The following TTL variants were observed in gnomAD, a reference collection of about 807,000 sequenced individuals.
The protein encoded by TTL is tubulin--tyrosine ligase.
In TTL, 10 loss-of-function variants were observed where a neutral mutation model predicts 41.1. That is an observed-to-expected ratio of 0.24 (90% CI 0.15 to 0.41). The LOEUF (loss-of-function observed/expected upper bound fraction) is 0.41. TTL is among the 10% of genes least tolerant of loss of function. The pLI, the probability that TTL is intolerant of heterozygous loss-of-function variation, is 1.00. For missense variants in TTL, 367 were observed against 460.4 expected (o/e 0.80, Z 1.86); for synonymous variants, 175 against 175.5 (o/e 1.00, Z 0.02).
intron 3 of TTL, among the ~76,000 whole-genome samples, chr2:112,498,609 A>G (rs1476189375): frequency 6.6e-6 from 1 of 151,986 alleles, no homozygotes; most frequent in Admixed American, 6.5e-5. Flanking sequence ...TTCTTTTAAA[A>G]TTTACATGGA....
chr2:112,494,813 A>G (rs1681482719), intron 3 of TTL, among the ~76,000 whole-genome samples: 1 of 152,152 alleles, frequency 6.6e-6, no homozygotes, highest in South Asian at 2.1e-4. Flanking sequence ...TCTACCTTCA[A>G]AATATATTCT....
chr2:112,524,172 AT>A (rs1327479068), intron 6 of TTL, among the ~76,000 whole-genome samples: 1 of 152,024 alleles, frequency 6.6e-6, no homozygotes, highest in African/African-American at 2.4e-5. Context: ...TATGTGCCAC[AT>A]TTTCTTAATC....
rs1406343218 is a variant in TTL, at chr2:112,502,899, T to C, written c.606-13T>C. On this transcript the variant is annotated splice_polypyrimidine_tract_variant and intron_variant, in intron 4 of 6. Coordinates refer to ENST00000233336, the MANE Select transcript of TTL (RefSeq NM_153712.5). The stretch of plus-strand genomic sequence containing the variant: ...GATGACTTGAGTAAAGCAGTGTTTT[T>C]GTTGAATTGCAGAAGCTGGGTCTTG... 6.3e-7 allele frequency: 1 copy of C among 1,596,858 alleles called. No homozygotes were observed. Among genetic ancestry groups the C allele is most frequent in the Admixed American group, 1.8e-5 (1 of 57,034 alleles).
At chr2:112,516,354 C>T (rs1029185519) in intron 5 of TTL, among the ~76,000 whole-genome samples, 4 of 152,112 alleles carry the variant, frequency 2.6e-5, no homozygotes, top group Non-Finnish European at 4.4e-5. Context: ...GTCCTTTCCC[C>T]GCTGCATTGT....
chr2:112,484,555 G>A (rs772270644), intron 1 of TTL, among the ~76,000 whole-genome samples: 4 of 152,058 alleles, frequency 2.6e-5, no homozygotes, highest in Admixed American at 2.0e-4. Flanking sequence ...ATGAACCACC[G>A]TGCCCGGCCA....
chr2:112,525,570 C>T (rs1052387700), intron 6 of TTL, among the ~76,000 whole-genome samples: 3 of 152,158 alleles, frequency 2.0e-5, no homozygotes, highest in East Asian at 1.9e-4. Context: ...TGGGAGTTCA[C>T]TCATGATTTG....
At chr2:112,485,474 A>G (rs1351222392) in intron 1 of TTL, among the ~76,000 whole-genome samples, 2 of 152,174 alleles carry the variant, frequency 1.3e-5, no homozygotes, top group African/African-American at 4.8e-5. Context: ...GACCAGCATC[A>G]TTCTAGTTCT....
At chr2:112,516,189 T>C (rs1682064585) in intron 5 of TTL, among the ~76,000 whole-genome samples, 1 of 152,232 alleles carries the variant, frequency 6.6e-6, no homozygotes, top group Non-Finnish European at 1.5e-5. Context: ...TACTGTGTAA[T>C]ATTCCATTGT....
intron 6 of TTL, among the ~76,000 whole-genome samples, chr2:112,527,388 G>C (rs537627313): frequency 3.9e-5 from 6 of 152,242 alleles, no homozygotes; most frequent in African/African-American, 1.4e-4. Context: ...TAGTCTCATT[G>C]ATCTGTCTAA....
intron 5 of TTL, among the ~76,000 whole-genome samples, chr2:112,510,481 T>A (rs1410500655): frequency 6.6e-6 from 1 of 152,108 alleles, no homozygotes; most frequent in Non-Finnish European, 1.5e-5. Flanking sequence ...ATATTTCTTT[T>A]TTTTTTTGAG....
At chr2:112,516,325 C>T (rs1353622474) in intron 5 of TTL, among the ~76,000 whole-genome samples, 1 of 152,092 alleles carries the variant, frequency 6.6e-6, no homozygotes, top group Non-Finnish European at 1.5e-5. Context: ...AAGGATATCC[C>T]ATTGACCCAG....
At position 112,529,146 on chromosome 2, in the gene TTL, G is replaced by T. The variant is rs1682443282; in HGVS notation, c.*351G>T. 1 of 388,868 alleles carries T rather than the reference G, an allele frequency of 2.6e-6. No individual in the cohort carries two copies. Among genetic ancestry groups the T allele is most frequent in the Non-Finnish European group, 4.8e-6 (1 of 208,120 alleles). The allele number at this position is 388,868 out of a possible 1,614,324, so 24.1% of individuals were successfully genotyped here. A position where few individuals can be genotyped will look rare whatever the true frequency, so the allele number is the denominator to read the frequency against. On this transcript the variant is annotated 3_prime_UTR_variant, in exon 7 of 7. Transcript: ENST00000233336. ...TGCAGCCCTAGTGCCTTAGCTCCAT[G>T]CCCGGCTGCAGCCCCACTGCTCTGG...
At chr2:112,522,913 G>A (rs1559020246) in intron 6 of TTL, among the ~76,000 whole-genome samples, 2 of 152,154 alleles carry the variant, frequency 1.3e-5, no homozygotes, top group Admixed American at 1.3e-4. Flanking sequence ...TCTAACTGGG[G>A]TGCACTTCTG....
At chr2:112,526,511 C>T (rs192318703) in intron 6 of TTL, among the ~76,000 whole-genome samples, 1 of 152,136 alleles carries the variant, frequency 6.6e-6, no homozygotes, top group Non-Finnish European at 1.5e-5. Context: ...CTTGTTTAGT[C>T]TTGGGAGGGT....
chr2:112,513,832 C>A (rs6760014), intron 5 of TTL, among the ~76,000 whole-genome samples: 61,931 of 151,720 alleles, frequency 0.41, 12,885 homozygotes, highest in East Asian at 0.58. Context: ...GATAAACATA[C>A]AATTCAAAAT....
chr2:112,525,003 A>G (rs567385283), intron 6 of TTL, among the ~76,000 whole-genome samples: 38 of 152,272 alleles, frequency 2.5e-4, no homozygotes, highest in African/African-American at 7.9e-4. Flanking sequence ...TCAGCTTTCT[A>G]TGTATGGCTA....
Position 112,540,500 on chromosome 2 carries a change from A to G in TTL, c.*11705A>G, listed in dbSNP as rs1418247522. ...GACGCTAAAATCCATATTGAAATAC[A>G]AAGGATCAAATAAATCTGGAGAAAG... On this transcript the variant is annotated 3_prime_UTR_variant, in exon 7 of 7. Coordinates refer to ENST00000233336, the MANE Select transcript of TTL (RefSeq NM_153712.5). 2 of 152,212 alleles carry G rather than the reference A, an allele frequency of 1.3e-5. No homozygotes were observed. Among genetic ancestry groups the G allele is most frequent in the Non-Finnish European group, 2.9e-5 (2 of 68,044 alleles). The allele number at this position is 152,212 out of a possible 1,614,324, so 9.4% of individuals were successfully genotyped here.
intron 5 of TTL, among the ~76,000 whole-genome samples, chr2:112,510,433 C>A (rs189086790): frequency 2.0e-5 from 3 of 152,070 alleles, no homozygotes; most frequent in African/African-American, 7.2e-5. Flanking sequence ...CCAGCCTATT[C>A]CAGTTTTTAA....
rs369950199 is a variant in TTL at position 112,529,182 on chromosome 2, G to A, written c.*387G>A. On this transcript the variant is annotated 3_prime_UTR_variant, in exon 7 of 7. Transcript: ENST00000233336. ...GCCCCACTGCTCTGGACTATGGATT[G>A]GACGTCAGAGCATATTGGAGGTTGC... 6.4e-5 allele frequency: 21 copies of A among 328,568 alleles called. No homozygotes were observed. The South Asian group carries it at 1.0e-3, about 16-fold the overall frequency. 20.4% of individuals were successfully genotyped at this position (328,568 alleles called of 1,614,324 possible).
Sources: gnomAD v4.1 joint callset for allele counts (sites outside exome capture counted in the v4.1 genomes callset) on GRCh38, gnomAD v4.1.1 for gene constraint, MANE v1.5 for transcripts, NCBI Gene and HGNC (gene_info 2026-07-23, HGNC 2026-07-21) for gene names.